Variants in RILPL1 observed in about 807,000 individuals in gnomAD.
RILPL1 encodes the protein RILP-like protein 1.
A neutral mutation model predicts 50.3 loss-of-function variants in RILPL1; 33 were observed. The ratio of observed to expected loss-of-function variants is 0.66; its 90% CI spans 0.50 to 0.88. The LOEUF (loss-of-function observed/expected upper bound fraction) is 0.88. Ranked by LOEUF, RILPL1 falls within the 40% of genes least tolerant of loss-of-function variation. The pLI is 0.00. For synonymous variants in RILPL1, 205 were observed against 228.6 expected (o/e 0.90, Z 0.93); for missense variants, 418 against 542.5 (o/e 0.77, Z 2.28).
chr12:123,480,430 G>A (rs1881892258), intron 6 of RILPL1, among the ~76,000 whole-genome samples: 1 of 151,948 alleles, frequency 6.6e-6, no homozygotes, highest in Admixed American at 6.6e-5. Context: ...CCAAAGTGCT[G>A]GGATTACAGG....
At chr12:123,523,958 C>T (rs1393494494) in intron 1 of RILPL1, among the ~76,000 whole-genome samples, 2 of 152,218 alleles carry the variant, frequency 1.3e-5, no homozygotes, top group South Asian at 2.1e-4. Flanking sequence ...CCCCAGGATA[C>T]GGGGGTCCGA....
chr12:123,499,093 C>T (rs766651881), intron 3 of RILPL1, among the ~76,000 whole-genome samples: 1 of 152,152 alleles, frequency 6.6e-6, no homozygotes, highest in Non-Finnish European at 1.5e-5. Flanking sequence ...CACGCTGGAC[C>T]CTGCTAAGTC....
rs1450157103 is a variant in RILPL1, at chr12:123,498,631, C to T, written c.714G>A (p.Gln238=). 2 of 1,613,720 alleles carry T rather than the reference C, an allele frequency of 1.2e-6. No homozygotes were observed. The highest frequency in any genetic ancestry group is 2.2e-5 in the South Asian group (2 of 91,092). The stretch of plus-strand genomic sequence containing the variant: ...GCTCTGCTCGCAGGCTGCCCATCTC[C>T]TGCTCCTTGGTCTGCAGGTCTGCCT... ...ELEADLQTKE[Q]EMGSLRAELG... The change falls in exon 4 of 7, where the codon CAG becomes CAA. Residue 238 remains glutamine (Q), a synonymous_variant. Transcript: ENST00000376874. This position sits in a 1 kb window ranked among gnomAD's most constrained non-coding sequence, Gnocchi z 4.3.
chr12:123,523,510 A>T lies in RILPL1; in HGVS notation c.445T>A (p.Phe149Ile). Residue 149 changes from phenylalanine (F) to isoleucine (I), a missense_variant, in exon 2 of 7, where the codon TTC becomes ATC. By Grantham distance (21) the Phe-to-Ile change is conservative. Coordinates refer to ENST00000376874, the MANE Select transcript of RILPL1 (RefSeq NM_178314.5). ...HKDVNFSEEE[F>I]QKHEGMSERE... ...CCCCACTTACCTTCATGCTTCTGGAACTCCTCCTCTGAGAAATTGACATCC... is the reference window on the plus strand; with the variant it reads ...CCCCACTTACCTTCATGCTTCTGGATCTCCTCCTCTGAGAAATTGACATCC... 3 of 1,613,822 alleles carry T rather than the reference A, an allele frequency of 1.9e-6. No homozygotes were observed. Among genetic ancestry groups the T allele is most frequent in the Non-Finnish European group, 2.5e-6 (3 of 1,179,850 alleles).
chr12:123,489,167 C>T lies in RILPL1; in HGVS notation c.802-3362G>A, dbSNP rs991315557. Among the ~76,000 whole-genome samples the T allele has an allele frequency of 3.3e-5, 5 of 152,092 alleles. No homozygotes were observed. Among genetic ancestry groups the T allele is most frequent in the African/African-American group, 1.2e-4 (5 of 41,404 alleles). ...AGAGCTAACTTTGTGCCTTGCTGGC[C>T]GTGGAGCTCAGCCCTGGGAACAGAG... On this transcript the variant is annotated intron_variant, in intron 4 of 6. Transcript: ENST00000376874. The surrounding 1 kb of genome is among the most constrained non-coding windows in gnomAD (Gnocchi z 4.0).
At chr12:123,513,493 A>G (rs1187712105) in intron 2 of RILPL1, 2 of 229,830 alleles carry the variant, frequency 8.7e-6, no homozygotes, top group African/African-American at 2.3e-5. Flanking sequence ...CGTAGGAGCT[A>G]TGAGACCGAG....
intron 6 of RILPL1, among the ~76,000 whole-genome samples, chr12:123,483,887 G>T (rs1352233193): frequency 6.6e-6 from 1 of 152,064 alleles, no homozygotes; most frequent in Non-Finnish European, 1.5e-5. Flanking sequence ...GCCCAGAGAT[G>T]CACCCCACCC....
At chr12:123,495,544 T>G (rs1882972888) in intron 4 of RILPL1, among the ~76,000 whole-genome samples, 1 of 149,220 alleles carries the variant, frequency 6.7e-6, no homozygotes, top group Admixed American at 6.8e-5. Flanking sequence ...CTGGATAATT[T>G]TTTGTATTTT....
At chr12:123,516,888 C>G (rs1884728542) in intron 2 of RILPL1, among the ~76,000 whole-genome samples, 2 of 151,996 alleles carry the variant, frequency 1.3e-5, no homozygotes, top group South Asian at 4.1e-4. Context: ...TGGTGAAACC[C>G]TATCTCTACA....
intron 1 of RILPL1, among the ~76,000 whole-genome samples, chr12:123,524,294 GA>G (rs1885171929): frequency 1.3e-5 from 2 of 152,218 alleles, no homozygotes; most frequent in African/African-American, 4.8e-5. Context: ...AACAAGTGCT[GA>G]CAAGGATAGG....
chr12:123,533,644 G>T lies in RILPL1; in HGVS notation c.-162C>A. 1 of 282,330 alleles carries T rather than the reference G, an allele frequency of 3.5e-6. No homozygotes were observed. Among genetic ancestry groups the T allele is most frequent in the Non-Finnish European group, 5.3e-6 (1 of 190,228 alleles). 17.5% of individuals were successfully genotyped at this position (282,330 alleles called of 1,614,324 possible). A position where few individuals can be genotyped will look rare whatever the true frequency, so the allele number is the denominator to read the frequency against. Reference sequence around the variant, plus strand: ...CGGGCAGCGGGCGGCGGGCGCGGGCGCGGGCACGGGCGGCGGCGCGGGGTG... The same window carrying T: ...CGGGCAGCGGGCGGCGGGCGCGGGCTCGGGCACGGGCGGCGGCGCGGGGTG... On this transcript the variant is annotated 5_prime_UTR_variant, in exon 1 of 7. Coordinates refer to ENST00000376874, the MANE Select transcript of RILPL1 (RefSeq NM_178314.5). The surrounding 1 kb of genome is among the most constrained non-coding windows in gnomAD (Gnocchi z 6.2).
rs577784208 is a variant in RILPL1, at chr12:123,484,737, C to T, written c.975-465G>A. 2.3e-5 allele frequency: 5 copies of T among 217,010 alleles called. No homozygotes were observed. In the South Asian group the frequency reaches 2.8e-4, roughly 12 times the overall value. 13.4% of individuals were successfully genotyped at this position (217,010 alleles called of 1,614,324 possible). A position where few individuals can be genotyped will look rare whatever the true frequency, so the allele number is the denominator to read the frequency against. On this transcript the variant is annotated intron_variant, in intron 5 of 6. Coordinates refer to ENST00000376874, the MANE Select transcript of RILPL1 (RefSeq NM_178314.5). The stretch of plus-strand genomic sequence containing the variant: ...TGGTACAAACATACATAGCTCACTG[C>T]AGCCTTGACCTTGGGCTGAAATGAT...
Position 123,472,618 on chromosome 12 carries a change from C to A in RILPL1, c.1132G>T (p.Glu378Ter), listed in dbSNP as rs543677202. ...GTGTTTGCCCACTGTCCAAAGGACT[C>A]CTGGATGTGCACGTTTCTCTGTGTG... ...ANTQRNVHIQ[E>*]SFGQWANTHR... is the part of the protein sequence containing the mutation. The change falls in exon 7 of 7, where the codon GAG becomes TAG. Residue 378 changes from glutamate to a stop codon, truncating the protein, a stop_gained. Coordinates refer to ENST00000376874, the MANE Select transcript of RILPL1 (RefSeq NM_178314.5). LOFTEE classifies it high-confidence loss of function. 53 of 1,586,896 alleles carry A rather than the reference C, an allele frequency of 3.3e-5. No individual in the cohort carries two copies. In the East Asian group the frequency reaches 1.2e-3, roughly 35 times the overall value.
intron 2 of RILPL1, among the ~76,000 whole-genome samples, chr12:123,500,783 TA>T (rs1205883405): frequency 6.6e-6 from 1 of 152,074 alleles, no homozygotes; most frequent in Non-Finnish European, 1.5e-5. Flanking sequence ...TATGTCAACC[TA>T]AATGATGAAC....
chr12:123,485,516 C>G lies in RILPL1; in HGVS notation c.974+117G>C. ...AGTTCTTTAGGCCAGAGAGGGTACC[C>G]AAAAAAAACACTGATGAAATGCTTG... On this transcript the variant is annotated intron_variant, in intron 5 of 6. Coordinates refer to ENST00000376874, the MANE Select transcript of RILPL1 (RefSeq NM_178314.5). The surrounding 1 kb of genome is among the most constrained non-coding windows in gnomAD (Gnocchi z 4.0). 1 of 980,800 alleles carries G rather than the reference C, an allele frequency of 1.0e-6. No homozygotes were observed. Among genetic ancestry groups the G allele is most frequent in the Non-Finnish European group, 1.5e-6 (1 of 660,870 alleles). 60.8% of individuals were successfully genotyped at this position (980,800 alleles called of 1,614,324 possible).
intron 4 of RILPL1, among the ~76,000 whole-genome samples, chr12:123,492,770 C>T (rs1420282751): frequency 2.6e-5 from 4 of 152,140 alleles, no homozygotes; most frequent in African/African-American, 7.2e-5. Context: ...CTATGACTTA[C>T]CCCCAACCCC....
intron 2 of RILPL1, among the ~76,000 whole-genome samples, chr12:123,503,403 G>A (rs1883532856): frequency 1.3e-5 from 2 of 151,200 alleles, no homozygotes; most frequent in East Asian, 2.0e-4. Context: ...GTTTCACCAC[G>A]TTGGCCAGGC....
At chr12:123,510,678 CTGTG>C (rs527348097) in intron 2 of RILPL1, among the ~76,000 whole-genome samples, 10 of 81,744 alleles carry the variant, frequency 1.2e-4, no homozygotes, top group Admixed American at 2.7e-4. Context: ...TGTGTGAGGT[CTGTG>C]TGTGTGTGGT....
chr12:123,520,443 T>C (rs9697543), intron 2 of RILPL1, among the ~76,000 whole-genome samples: 11,911 of 152,196 alleles, frequency 0.078, 740 homozygotes, highest in African/African-American at 0.17. Flanking sequence ...CCTGTAGTCG[T>C]AGCTACTTGG....
Sources: allele counts gnomAD v4.1 joint callset (sites outside exome capture counted in the v4.1 genomes callset), GRCh38; gene constraint gnomAD v4.1.1; non-coding constraint Gnocchi (gnomAD v3.1); transcripts MANE v1.5; gene names NCBI Gene and HGNC (gene_info 2026-07-23, HGNC 2026-07-21).